The following DAPK3 variants were observed in gnomAD, a reference collection of about 807,000 sequenced individuals.
DAPK3 encodes death-associated protein kinase 3.
In DAPK3, 24 loss-of-function variants were observed where a neutral mutation model predicts 30.6. That is an observed-to-expected ratio of 0.78 (90% CI 0.57 to 1.10). The LOEUF is 1.10. DAPK3 is among the 50% of genes least tolerant of loss of function. The pLI is 0.00. For missense variants in DAPK3, 629 were observed against 657.3 expected, an observed-to-expected ratio of 0.96 and a Z score of 0.47; for synonymous variants, 341 against 284.0, an observed-to-expected ratio of 1.20 and a Z score of -2.02.
intron 7 of DAPK3, 55 bp from the exon 8 acceptor site, chr19:3,960,159 G>T: frequency 2.1e-6 from 2 of 968,452 alleles, no homozygotes; most frequent in Non-Finnish European, 3.3e-6. Flanking sequence ...CCGTCCTCCC[G>T]TGAACAACTG....
At chr19:3,968,455 A>C (rs1325390409) in intron 2 of DAPK3, among the ~76,000 whole-genome samples, 1 of 152,046 alleles carries the variant, frequency 6.6e-6, no homozygotes, top group Non-Finnish European at 1.5e-5. Context: ...AGCCTGGGCG[A>C]CAGAATGAGA....
chr19:3,961,819 G>T, intron 6 of DAPK3: 1 of 260,210 alleles, frequency 3.8e-6, no homozygotes. Flanking sequence ...GAGAGGACAG[G>T]AGTGGAAAAC....
Position 3,958,850 on chromosome 19 carries a change from C to G in DAPK3, c.*251G>C. The G allele has an allele frequency of 1.7e-6, 1 of 584,520 alleles. No individual in the cohort carries two copies. The highest frequency in any genetic ancestry group is 3.0e-6 in the Non-Finnish European group (1 of 328,538). 36.2% of individuals were successfully genotyped at this position (584,520 alleles called of 1,614,324 possible). ...ACAGGCCACGCTGCCTGGAGGGTCC[C>G]AGGGTCACCGACGATGCAGGGGTGA... is the stretch of plus-strand genomic sequence containing the variant. On this transcript the variant is annotated 3_prime_UTR_variant, in exon 9 of 9. Coordinates refer to ENST00000545797, the MANE Select transcript of DAPK3 (RefSeq NM_001348.3).
chr19:3,958,923 C>T lies in DAPK3; in HGVS notation c.*178G>A. Reference sequence around the variant, plus strand: ...TGTGTAGAGAAGCAGCCCCGTCCCACACCCACCCCTGCCTGCGAACTTACG... The same window carrying T: ...TGTGTAGAGAAGCAGCCCCGTCCCATACCCACCCCTGCCTGCGAACTTACG... On this transcript the variant is annotated 3_prime_UTR_variant, in exon 9 of 9. Coordinates refer to ENST00000545797, the MANE Select transcript of DAPK3 (RefSeq NM_001348.3). 1 of 584,674 alleles carries T rather than the reference C, an allele frequency of 1.7e-6. No individual in the cohort carries two copies. The highest frequency in any genetic ancestry group is 3.0e-6 in the Non-Finnish European group (1 of 331,050). The allele number at this position is 584,674 out of a possible 1,614,324, so 36.2% of individuals were successfully genotyped here.
chr19:3,968,761 T>A (rs2039604934), intron 2 of DAPK3, among the ~76,000 whole-genome samples: 1 of 152,130 alleles, frequency 6.6e-6, no homozygotes, highest in African/African-American at 2.4e-5. Flanking sequence ...CCTGCAGCAC[T>A]CTCCCTAGCC....
At chr19:3,960,803 CAAAAAAAAAAAAAA>C (rs34304441) in intron 7 of DAPK3, among the ~76,000 whole-genome samples, 192 bp downstream of exon 7, 1 of 94,032 alleles carries the variant, frequency 1.1e-5, no homozygotes, top group Non-Finnish European at 2.0e-5. Flanking sequence ...GACTCCGTCT[CAAAAAAAAAAAAAA>C]AAAAAAACCA....
Position 3,963,985 on chromosome 19 carries a change from C to T in DAPK3, c.554-66G>A. 4.6e-6 allele frequency: 5 copies of T among 1,075,802 alleles called. No individual in the cohort carries two copies. In the South Asian group the frequency reaches 6.6e-5, roughly 14 times the overall value. 66.6% of individuals were successfully genotyped at this position (1,075,802 alleles called of 1,614,324 possible). A position where few individuals can be genotyped will look rare whatever the true frequency, so the allele number is the denominator to read the frequency against. ...CTGGCCAAGGAAGAGGCTCAAGACA[C>T]AGGCATGGGGTCAAGGTTCTCACAT... On this transcript the variant is annotated intron_variant, in intron 4 of 8. Coordinates refer to ENST00000545797, the MANE Select transcript of DAPK3 (RefSeq NM_001348.3).
intron 6 of DAPK3, among the ~76,000 whole-genome samples, chr19:3,962,345 C>T (rs2039525411): frequency 6.6e-6 from 1 of 152,388 alleles, no homozygotes; most frequent in South Asian, 2.1e-4. Flanking sequence ...TAGCCCATCT[C>T]CTGAAGCCTT....
intron 2 of DAPK3, among the ~76,000 whole-genome samples, chr19:3,966,251 C>T (rs2039576229): frequency 6.6e-6 from 1 of 152,184 alleles, no homozygotes; most frequent in African/African-American, 2.4e-5. Flanking sequence ...TACCGGGTTC[C>T]TGCGTGCCTA....
At position 3,964,881 on chromosome 19, in the gene DAPK3, C is replaced by A. The variant is rs533370572; in HGVS notation, c.173G>T (p.Arg58Leu). 6.2e-7 allele frequency: 1 copy of A among 1,611,506 alleles called. No individual in the cohort carries two copies. Among genetic ancestry groups the A allele is most frequent in the Non-Finnish European group, 8.5e-7 (1 of 1,177,830 alleles). The change falls in exon 3 of 9, where the codon CGG becomes CTG. Residue 58 changes from arginine (R) to leucine (L), a missense_variant. By Grantham distance (102) the Arg-to-Leu change is moderately radical. This residue lies in a region of DAPK3 where 306 missense variants were observed against 378.5 expected (regional missense o/e 0.81). Transcript: ENST00000545797. ...GTTCACCTCCCGCTCGATCTCCTCC[C>A]GGCTCACCCCACGCCGGCTGGATGA... ...RLSSSRRGVS[R>L]EEIEREVNIL...
intron 2 of DAPK3, among the ~76,000 whole-genome samples, chr19:3,969,155 AAATG>A (rs1437870477): frequency 6.6e-6 from 1 of 151,902 alleles, no homozygotes; most frequent in African/African-American, 2.4e-5. Flanking sequence ...TTTTTTAAAT[AAATG>A]GGGTTTCACT....
At chr19:3,959,812 G>T in intron 8 of DAPK3, 175 bp from the exon 9 acceptor site, 1 of 761,934 alleles carries the variant, frequency 1.3e-6, no homozygotes, top group East Asian at 2.7e-5. Flanking sequence ...GAAAAACGCT[G>T]CGGCCCTGGC....
At chr19:3,967,526 G>A (rs1002315590) in intron 2 of DAPK3, among the ~76,000 whole-genome samples, 3 of 152,222 alleles carry the variant, frequency 2.0e-5, no homozygotes, top group East Asian at 1.9e-4. Context: ...AGGCAGAGGC[G>A]GGCAGATCAT....
chr19:3,958,913 C>T lies in DAPK3; in HGVS notation c.*188G>A, dbSNP rs769138916. 1 of 583,186 alleles carries T rather than the reference C, an allele frequency of 1.7e-6. No homozygotes were observed. The allele number at this position is 583,186 out of a possible 1,614,324, so 36.1% of individuals were successfully genotyped here. ...GCGTGGAGGCTGTGTAGAGAAGCAG[C>T]CCCGTCCCACACCCACCCCTGCCTG... On this transcript the variant is annotated 3_prime_UTR_variant, in exon 9 of 9. Coordinates refer to ENST00000545797, the MANE Select transcript of DAPK3 (RefSeq NM_001348.3).
chr19:3,962,656 A>C (rs2145333162), intron 6 of DAPK3, among the ~76,000 whole-genome samples: 1 of 152,202 alleles, frequency 6.6e-6, no homozygotes, highest in East Asian at 1.9e-4. Context: ...AGGCACCTGT[A>C]ATCCCAGCTA....
At position 3,959,181 on chromosome 19, in the gene DAPK3, A is replaced by C; in HGVS notation, c.1285T>G (p.Ser429Ala). The C allele has an allele frequency of 6.3e-7, 1 of 1,597,942 alleles. No homozygotes were observed. The highest frequency in any genetic ancestry group is 8.5e-7 in the Non-Finnish European group (1 of 1,176,838). ...AGGTCCTGCACGAAGCGCATCTCGG[A>C]GGCTACTTGCTTGGCCAGCGCCTCG... Reference protein sequence around the residue: ...RYEALAKQVASEMRFVQDLVR... With the variant: ...RYEALAKQVAAEMRFVQDLVR... Residue 429 changes from serine to alanine, a missense_variant, in exon 9 of 9, where the codon TCC (serine) becomes GCC (alanine). This residue lies in a region of DAPK3 where 323 missense variants were observed against 278.8 expected (regional missense o/e 1.16). Coordinates refer to ENST00000545797, the MANE Select transcript of DAPK3 (RefSeq NM_001348.3).
At chr19:3,968,801 T>A (rs1258671010) in intron 2 of DAPK3, among the ~76,000 whole-genome samples, 1 of 152,154 alleles carries the variant, frequency 6.6e-6, no homozygotes, top group Non-Finnish European at 1.5e-5. Context: ...TTACATTCCC[T>A]TCTGGTGACA....
At chr19:3,965,658 T>G (rs111236189) in intron 2 of DAPK3, among the ~76,000 whole-genome samples, 2 of 151,658 alleles carry the variant, frequency 1.3e-5, no homozygotes, top group African/African-American at 4.8e-5. Flanking sequence ...GATCCGCTTT[T>G]TTTGTTTTTG....
chr19:3,968,830 G>C (rs1333915941), intron 2 of DAPK3, among the ~76,000 whole-genome samples: 1 of 152,172 alleles, frequency 6.6e-6, no homozygotes, highest in African/African-American at 2.4e-5. Context: ...AGGCTCCAGG[G>C]AGGCTGGCCA....
Sources: gnomAD v4.1 joint callset for allele counts (sites outside exome capture counted in the v4.1 genomes callset) on GRCh38, gnomAD v4.1.1 for gene constraint, gnomAD v4.1.1 regional missense constraint, MANE v1.5 for transcripts, NCBI Gene and HGNC (gene_info 2026-07-23, HGNC 2026-07-21) for gene names.